SLC38A10: variants seen among roughly 807,000 people sequenced by gnomAD.
SLC38A10 encodes Sodium-coupled neutral amino acid transporter 10.
Under a neutral mutation model 81.0 loss-of-function variants are expected in SLC38A10, and 53 were observed. The observed-to-expected ratio is 0.65, with a 90% confidence interval of 0.53 to 0.82. The LOEUF (loss-of-function observed/expected upper bound fraction) is 0.82. Ranked by LOEUF, SLC38A10 falls within the 40% of genes least tolerant of loss-of-function variation. The probability of loss-of-function intolerance (pLI) is 0.00; values close to 1 mark genes in which losing one functional copy is unlikely to be tolerated. For synonymous variants in SLC38A10, 665 were observed against 655.3 expected (o/e 1.01, Z -0.23); for missense variants, 1,471 against 1,545.0 (o/e 0.95, Z 0.80).
intron 8 of SLC38A10, among the ~76,000 whole-genome samples, chr17:81,275,321 T>C (rs1016637865): frequency 6.6e-6 from 1 of 152,084 alleles, no homozygotes; most frequent in African/African-American, 2.4e-5. Flanking sequence ...CGCCTCAGCC[T>C]CCTGAGGAGC....
intron 14 of SLC38A10, 96 bp downstream of exon 14, chr17:81,251,397 G>A: frequency 6.2e-7 from 1 of 1,612,048 alleles, no homozygotes; most frequent in Non-Finnish European, 8.5e-7. Flanking sequence ...GGCCTGGCAG[G>A]GCTCCCGAGG....
rs748973469 is a variant in SLC38A10, at chr17:81,246,527, C to T, written c.2389G>A (p.Asp797Asn). ...APGGRPAPSQ[D>N]LNQRSLEHSE... ...TGCTCCAGGGAGCGCTGGTTAAGGTCCTGGGATGGAGCAGGGCGGCCCCCA... is the reference window on the plus strand; with the variant it reads ...TGCTCCAGGGAGCGCTGGTTAAGGTTCTGGGATGGAGCAGGGCGGCCCCCA... The change falls in exon 16 of 16, where the codon GAC (aspartate) becomes AAC (asparagine). Residue 797 changes from aspartate (D) to asparagine (N), a missense_variant. By Grantham distance (23) the Asp-to-Asn change is conservative. Around this residue, in one of 2 missense-constraint regions of SLC38A10, gnomAD observed 751 missense variants for 717.4 expected, o/e 1.05. Transcript: ENST00000374759. The T allele has an allele frequency of 4.6e-6, 7 of 1,525,118 alleles. No homozygotes were observed. Among genetic ancestry groups the T allele is most frequent in the Non-Finnish European group, 5.3e-6 (6 of 1,138,538 alleles). 94.5% of individuals were successfully genotyped at this position (1,525,118 alleles called of 1,614,324 possible).
chr17:81,287,828 G>A (rs562261643), intron 2 of SLC38A10, among the ~76,000 whole-genome samples: 68 of 152,328 alleles, frequency 4.5e-4, no homozygotes, highest in African/African-American at 1.4e-3. Flanking sequence ...CTGGGTCACC[G>A]GTCTTCTTCC....
At chr17:81,251,835 C>A (rs2062917922) in intron 13 of SLC38A10, 1 of 534,884 alleles carries the variant, frequency 1.9e-6, no homozygotes, top group East Asian at 3.2e-5. Flanking sequence ...ATGGTAACTG[C>A]CTTCGCAATT....
At position 81,245,991 on chromosome 17, in the gene SLC38A10, G is replaced by A. The variant is rs2062846177; in HGVS notation, c.2925C>T (p.His975=). 6.2e-7 allele frequency: 1 copy of A among 1,605,088 alleles called. No individual in the cohort carries two copies. Among genetic ancestry groups the A allele is most frequent in the Non-Finnish European group, 8.5e-7 (1 of 1,175,242 alleles). Reference sequence around the variant, plus strand: ...CCAGGTGACCGCCATGGTCCAGCCGGTGGCCCTGCTGTCCACCCTGCTCGC... The same window carrying A: ...CCAGGTGACCGCCATGGTCCAGCCGATGGCCCTGCTGTCCACCCTGCTCGC... ...SDGEQGGQQG[H]RLDHGGHLEM... is the part of the protein sequence containing the mutation. Residue 975 remains histidine (H), a synonymous_variant, in exon 16 of 16, where the codon CAC becomes CAT. Transcript: ENST00000374759.
chr17:81,263,905 G>T (rs2063046497), intron 10 of SLC38A10: 1 of 152,784 alleles, frequency 6.5e-6, no homozygotes, highest in Non-Finnish European at 1.5e-5. Context: ...CCCAGCAGCA[G>T]CAGCGGGCAC....
chr17:81,251,986 C>CA, intron 13 of SLC38A10: 1 of 744,564 alleles, frequency 1.3e-6, no homozygotes, highest in Non-Finnish European at 2.1e-6. Flanking sequence ...GTCTGGCAAA[C>CA]AACTGTGTGA....
intron 13 of SLC38A10, chr17:81,251,908 G>GCGCCCCCCGCGC: frequency 1.9e-6 from 1 of 516,598 alleles, no homozygotes; most frequent in Admixed American, 3.8e-5. Flanking sequence ...TACCTGTCAG[G>GCGCCCCCCGCGC]CGCCCCCCGC....
chr17:81,275,907 G>A, intron 8 of SLC38A10, 62 bp downstream of exon 8: 7 of 1,511,772 alleles, frequency 4.6e-6, no homozygotes, highest in Non-Finnish European at 6.3e-6. Context: ...ACAGCTGGGG[G>A]CTTATGGGAA....
rs1567919910 is a variant in SLC38A10 at position 81,246,225 on chromosome 17, C to T, written c.2691G>A (p.Lys897=). The T allele has an allele frequency of 6.2e-7, 1 of 1,612,800 alleles. No homozygotes were observed. Among genetic ancestry groups the T allele is most frequent in the Non-Finnish European group, 8.5e-7 (1 of 1,179,950 alleles). ...TGCTGGTGCCAGTGGCTGCCACCTC[C>T]TTCCCAGGTTTTTTCCTGTCTTGGG... ...GGSQDRKKPG[K]EVAATGTSIL... The change falls in exon 16 of 16, where the codon AAG becomes AAA. Residue 897 remains lysine (K), a synonymous_variant. Coordinates refer to ENST00000374759, the MANE Select transcript of SLC38A10 (RefSeq NM_001037984.3).
Position 81,245,181 on chromosome 17 carries a change from C to T in SLC38A10, c.*375G>A. On this transcript the variant is annotated 3_prime_UTR_variant, in exon 16 of 16. Coordinates refer to ENST00000374759, the MANE Select transcript of SLC38A10 (RefSeq NM_001037984.3). ...ACCTCCACGCACGGCCGAGCTCAAC[C>T]CGAAGACCACGCGTGCTCCCTGGCA... 4.3e-6 allele frequency: 1 copy of T among 229,898 alleles called. No homozygotes were observed. Among genetic ancestry groups the T allele is most frequent in the Non-Finnish European group, 8.5e-6 (1 of 117,400 alleles). 14.2% of individuals were successfully genotyped at this position (229,898 alleles called of 1,614,324 possible).
chr17:81,294,929 G>C lies in SLC38A10; in HGVS notation c.-8C>G. On this transcript the variant is annotated 5_prime_UTR_variant, in exon 1 of 16. Transcript: ENST00000374759. The stretch of plus-strand genomic sequence containing the variant: ...GGCGGCGGCCGCGGTCATAGTGAGA[G>C]GTCTAGGGGCCCGGGGCGAGAGGCC... The C allele has an allele frequency of 6.3e-7, 1 of 1,583,300 alleles. No individual in the cohort carries two copies.
At chr17:81,291,960 G>T (rs1428465951) in intron 1 of SLC38A10, among the ~76,000 whole-genome samples, 1 of 152,134 alleles carries the variant, frequency 6.6e-6, no homozygotes, top group African/African-American at 2.4e-5. Context: ...CACAGAGTAC[G>T]CTCCTTAATT....
intron 1 of SLC38A10, among the ~76,000 whole-genome samples, chr17:81,294,605 C>CGGGCTGACAA (rs1421484623): frequency 2.0e-5 from 3 of 152,208 alleles, no homozygotes; most frequent in Non-Finnish European, 4.4e-5. Context: ...CTTTCCGGCC[C>CGGGCTGACAA]GGGCTGACAA....
rs771174078 is a variant in SLC38A10 at position 81,253,166 on chromosome 17, C to G, written c.1363G>C (p.Glu455Gln). Residue 455 changes from glutamate to glutamine, a missense_variant, in exon 12 of 16, where the codon GAG becomes CAG. Transcript: ENST00000374759. This position sits in a 1 kb window ranked among gnomAD's most constrained non-coding sequence, Gnocchi z 4.1. ...PKLPKEREELEQAQIKGPVDV... is the reference protein window; with the variant it reads ...PKLPKEREELQQAQIKGPVDV... Reference sequence around the variant, plus strand: ...ACGGGCCCCTTGATCTGGGCCTGCTCCAGCTCCTCTCTCTCCTTCGGCAGC... The same window carrying G: ...ACGGGCCCCTTGATCTGGGCCTGCTGCAGCTCCTCTCTCTCCTTCGGCAGC... The G allele has an allele frequency of 3.7e-6, 6 of 1,613,974 alleles. No homozygotes were observed. The highest frequency in any genetic ancestry group is 5.1e-6 in the Non-Finnish European group (6 of 1,180,036).
chr17:81,276,249 C>A lies in SLC38A10; in HGVS notation c.730-98G>T. On this transcript the variant is annotated intron_variant, in intron 7 of 15. Transcript: ENST00000374759. This position sits in a 1 kb window ranked among gnomAD's most constrained non-coding sequence, Gnocchi z 4.7. Reference sequence around the variant, plus strand: ...GGCATGGGGGGGACCTGTGCCCTGCCCCCCAGAATGGCCTTCAATCCACTT... The same window carrying A: ...GGCATGGGGGGGACCTGTGCCCTGCACCCCAGAATGGCCTTCAATCCACTT... 8.7e-7 allele frequency: 1 copy of A among 1,151,138 alleles called. No homozygotes were observed. Among genetic ancestry groups the A allele is most frequent in the Admixed American group, 3.0e-5 (1 of 33,426 alleles). The allele number at this position is 1,151,138 out of a possible 1,614,324, so 71.3% of individuals were successfully genotyped here.
rs780404625 is a variant in SLC38A10 at position 81,247,093 on chromosome 17, C to A, written c.2066-32G>T. 9.7e-6 allele frequency: 15 copies of A among 1,552,898 alleles called. No individual in the cohort carries two copies. In the East Asian group the frequency reaches 3.2e-4, roughly 33 times the overall value. Reference sequence around the variant, plus strand: ...TTGGAAAGCACACAGTCAGAGTGCCCGGGCTGCTCATGCACCGTGCTGGGC... The same window carrying A: ...TTGGAAAGCACACAGTCAGAGTGCCAGGGCTGCTCATGCACCGTGCTGGGC... On this transcript the variant is annotated intron_variant, in intron 14 of 15. Coordinates refer to ENST00000374759, the MANE Select transcript of SLC38A10 (RefSeq NM_001037984.3).
intron 14 of SLC38A10, among the ~76,000 whole-genome samples, chr17:81,247,950 CTTTTTTTTT>C (rs34228716): frequency 1.4e-5 from 1 of 73,076 alleles, no homozygotes; most frequent in African/African-American, 6.1e-5. Flanking sequence ...CAAAAGCTGT[CTTTTTTTTT>C]TTTTTTTTTT....
In SLC38A10 at chr17:81,283,885, C is replaced by CAA. The variant is rs2063239367; in HGVS notation, c.264-384_264-383insTT. Reference sequence around the variant, plus strand: ...TCAGCCTCCCAAAGTGCTGGGATTACAGGCGTGAGCCACTGTGCCTGGCCA... The same window carrying CAA: ...TCAGCCTCCCAAAGTGCTGGGATTACAAAGGCGTGAGCCACTGTGCCTGGCCA... On this transcript the variant is annotated intron_variant, in intron 3 of 15. Transcript: ENST00000374759. The surrounding 1 kb of genome is among the most constrained non-coding windows in gnomAD (Gnocchi z 4.7). Among the ~76,000 whole-genome samples the CAA allele has an allele frequency of 1.3e-5, 2 of 150,760 alleles. No individual in the cohort carries two copies. The highest frequency in any genetic ancestry group is 4.9e-5 in the African/African-American group (2 of 41,106).
Sources: allele counts gnomAD v4.1 joint callset (sites outside exome capture counted in the v4.1 genomes callset), GRCh38; gene constraint gnomAD v4.1.1; regional missense constraint gnomAD v4.1.1; non-coding constraint Gnocchi (gnomAD v3.1); transcripts MANE v1.5; gene names NCBI Gene and HGNC (gene_info 2026-07-23, HGNC 2026-07-21).